RIN3: variants seen among roughly 807,000 people sequenced by gnomAD.
RIN3 encodes the protein RAB5 interacting protein 3.
A neutral mutation model predicts 76.3 loss-of-function variants in RIN3; 54 were observed. The observed-to-expected ratio is 0.71, with a 90% CI of 0.57 to 0.89. The LOEUF is 0.89. Among genes scored for constraint, RIN3 ranks in the 40% least tolerant of loss-of-function variants. The pLI is 0.00. For missense variants in RIN3, 1,256 were observed against 1,322.1 expected (o/e 0.95, Z 0.78); for synonymous variants, 576 against 564.0 (o/e 1.02, Z -0.30).
chr14:92,676,982 C>T (rs1041316856), intron 8 of RIN3, among the ~76,000 whole-genome samples: 1 of 152,038 alleles, frequency 6.6e-6, no homozygotes, highest in Admixed American at 6.5e-5. Flanking sequence ...AAAAGGCAGT[C>T]TTTGTAGCGG....
At chr14:92,589,150 G>A (rs1026294565) in intron 3 of RIN3, among the ~76,000 whole-genome samples, 2 of 152,114 alleles carry the variant, frequency 1.3e-5, no homozygotes, top group African/African-American at 4.8e-5. Context: ...GGTTGTCACA[G>A]TGCAAAGCCC....
intron 2 of RIN3, among the ~76,000 whole-genome samples, chr14:92,574,515 T>C (rs2140055657): frequency 6.6e-6 from 1 of 152,356 alleles, no homozygotes; most frequent in Non-Finnish European, 1.5e-5. Context: ...AGCTTCCAGC[T>C]TGCTTGTCTA....
chr14:92,581,194 C>G (rs1023323822), intron 3 of RIN3, among the ~76,000 whole-genome samples: 1 of 152,104 alleles, frequency 6.6e-6, no homozygotes, highest in Admixed American at 6.5e-5. Context: ...GCCTTCTTAG[C>G]GGGTGCTCCT....
chr14:92,572,442 G>C (rs1258831578), intron 2 of RIN3, among the ~76,000 whole-genome samples: 1 of 152,106 alleles, frequency 6.6e-6, no homozygotes, highest in East Asian at 1.9e-4. Flanking sequence ...CCAGTTTTCA[G>C]GTTTTTTTCT....
Position 92,513,948 on chromosome 14 carries a change from G to A in RIN3, c.16G>A (p.Gly6Arg), listed in dbSNP as rs1896363493. 3 of 1,245,370 alleles carry A rather than the reference G, an allele frequency of 2.4e-6. No homozygotes were observed. Among genetic ancestry groups the A allele is most frequent in the African/African-American group, 1.6e-5 (1 of 64,396 alleles). The allele number at this position is 1,245,370 out of a possible 1,614,324, so 77.1% of individuals were successfully genotyped here. Residue 6 changes from glycine (G) to arginine (R), a missense_variant, in exon 1 of 10, where the codon GGG (glycine) becomes AGG (arginine). Coordinates refer to ENST00000216487, the MANE Select transcript of RIN3 (RefSeq NM_024832.5). MIRHA[G>R]APARGDPTGP... ...TGCCGGCGGCATGATCCGACACGCCGGGGCGCCCGCGCGCGGGGACCCCAC... is the reference window on the plus strand; with the variant it reads ...TGCCGGCGGCATGATCCGACACGCCAGGGCGCCCGCGCGCGGGGACCCCAC...
intron 8 of RIN3, among the ~76,000 whole-genome samples, chr14:92,680,198 C>A (rs1271231925): frequency 7.2e-6 from 1 of 138,202 alleles, no homozygotes; most frequent in African/African-American, 2.8e-5. Context: ...AGCTCTCTGG[C>A]ACTTTTTTTT....
intron 3 of RIN3, among the ~76,000 whole-genome samples, chr14:92,588,214 CTTTTTTTTTTTTTTT>C (rs141155255): frequency 1.7e-4 from 10 of 58,832 alleles, no homozygotes; most frequent in South Asian, 1.4e-3. Flanking sequence ...CCATAGCACT[CTTTTTTTTTTTTTTT>C]TTTTTTTTTT....
intron 1 of RIN3, chr14:92,515,609 T>G (rs1896419656): frequency 3.5e-6 from 1 of 287,342 alleles, no homozygotes; most frequent in African/African-American, 2.2e-5. Flanking sequence ...TTATTATCAT[T>G]TGTTGGGTAT....
intron 1 of RIN3, chr14:92,515,460 T>A (rs2139985352): frequency 1.9e-6 from 1 of 516,614 alleles, no homozygotes; most frequent in East Asian, 3.2e-5. Flanking sequence ...GTCGGTTATT[T>A]AAACTCTCTG....
chr14:92,531,387 C>T (rs757752419), intron 1 of RIN3, among the ~76,000 whole-genome samples: 20 of 152,236 alleles, frequency 1.3e-4, no homozygotes, highest in African/African-American at 3.6e-4. Context: ...TCACCCACAG[C>T]GACTTCATGC....
intron 3 of RIN3, 38 bp downstream of exon 3, chr14:92,577,515 CG>C: frequency 7.5e-7 from 1 of 1,336,182 alleles, no homozygotes; most frequent in South Asian, 1.2e-5. Flanking sequence ...TTTGACCACG[CG>C]GCAGCAGCAG....
At position 92,651,659 on chromosome 14, in the gene RIN3, T is replaced by G; in HGVS notation, c.610T>G (p.Phe204Val). Residue 204 changes from phenylalanine to valine, a missense_variant, in exon 6 of 10, where the codon TTC becomes GTC. Physicochemically the swap from Phe to Val is conservative, Grantham distance 50. Transcript: ENST00000216487. ...AEPPRDRAPG[F>V]PLVSSLRPTA... ...GCCCCCAAGAGACCGGGCCCCCGGA[T>G]TCCCCCTAGTCTCCAGCCTCAGGCC... 2 of 1,613,546 alleles carry G rather than the reference T, an allele frequency of 1.2e-6. No homozygotes were observed. Among genetic ancestry groups the G allele is most frequent in the Non-Finnish European group, 1.7e-6 (2 of 1,179,764 alleles).
chr14:92,632,011 G>A (rs1023338960), intron 4 of RIN3, among the ~76,000 whole-genome samples: 1 of 152,154 alleles, frequency 6.6e-6, no homozygotes, highest in Non-Finnish European at 1.5e-5. Flanking sequence ...TTCAGGACTT[G>A]CCCTCGAGGA....
At chr14:92,687,904 C>G (rs1250090225) in intron 9 of RIN3, 22 bp from the exon 10 acceptor site, 5 of 1,523,974 alleles carry the variant, frequency 3.3e-6, no homozygotes. Context: ...GCCGTGACCA[C>G]AGGCCCCTCG....
Position 92,513,829 on chromosome 14 carries a change from T to A in RIN3, c.-104T>A. 3 of 739,550 alleles carry A rather than the reference T, an allele frequency of 4.1e-6. No individual in the cohort carries two copies. The highest frequency in any genetic ancestry group is 4.6e-5 in the Admixed American group (1 of 21,802). 45.8% of individuals were successfully genotyped at this position (739,550 alleles called of 1,614,324 possible). A position where few individuals can be genotyped will look rare whatever the true frequency, so the allele number is the denominator to read the frequency against. ...CGCGGCGGCAGCGGCGGCCTGGCCC[T>A]TCCAGAGGGCCAGAGCCAGGGACAT... is the stretch of plus-strand genomic sequence containing the variant. On this transcript the variant is annotated 5_prime_UTR_variant, in exon 1 of 10. Coordinates refer to ENST00000216487, the MANE Select transcript of RIN3 (RefSeq NM_024832.5).
chr14:92,638,835 G>A (rs1886872564), intron 4 of RIN3, among the ~76,000 whole-genome samples: 1 of 152,142 alleles, frequency 6.6e-6, no homozygotes, highest in African/African-American at 2.4e-5. Flanking sequence ...CAGTGGAGAA[G>A]CCCAAGGCCA....
chr14:92,513,786 G>T lies in RIN3; in HGVS notation c.-147G>T. 1 of 422,296 alleles carries T rather than the reference G, an allele frequency of 2.4e-6. No individual in the cohort carries two copies. Among genetic ancestry groups the T allele is most frequent in the Non-Finnish European group, 3.9e-6 (1 of 253,238 alleles). 26.2% of individuals were successfully genotyped at this position (422,296 alleles called of 1,614,324 possible). On this transcript the variant is annotated 5_prime_UTR_variant, in exon 1 of 10. Coordinates refer to ENST00000216487, the MANE Select transcript of RIN3 (RefSeq NM_024832.5). ...CTCGCTCCGATACAGGAAGTAGAAG[G>T]GAGCGAGAGCCCCAGAGCGCGGCGG...
At chr14:92,666,713 T>G (rs1888117520) in intron 7 of RIN3, among the ~76,000 whole-genome samples, 1 of 152,206 alleles carries the variant, frequency 6.6e-6, no homozygotes, top group South Asian at 2.1e-4. Flanking sequence ...GAGCTGGTCC[T>G]CTGCTGGGGA....
chr14:92,521,223 T>A (rs1482502292), intron 1 of RIN3, among the ~76,000 whole-genome samples: 1 of 151,176 alleles, frequency 6.6e-6, no homozygotes, highest in East Asian at 1.9e-4. Context: ...CCTCCCACGC[T>A]TCTATCCATC....
Sources: allele counts gnomAD v4.1 joint callset (sites outside exome capture counted in the v4.1 genomes callset), GRCh38; gene constraint gnomAD v4.1.1; transcripts MANE v1.5; gene names NCBI Gene and HGNC (gene_info 2026-07-23, HGNC 2026-07-21).